DNAJB12: variants seen among roughly 807,000 people sequenced by gnomAD.
DNAJB12 encodes DnaJ heat shock protein family (Hsp40) member B12, also known as dnaJ homolog subfamily B member 12.
DNAJB12 carries 14 observed loss-of-function variants against 40.6 expected under a neutral mutation model. The ratio of observed to expected loss-of-function variants is 0.34; its 90% CI spans 0.23 to 0.54. The LOEUF (loss-of-function observed/expected upper bound fraction) is 0.54. Ranked by LOEUF, DNAJB12 falls within the 20% of genes least tolerant of loss-of-function variation. DNAJB12 has a pLI of 0.92. For missense variants in DNAJB12, 444 were observed against 501.7 expected (o/e 0.89, Z 1.10); for synonymous variants, 181 against 199.5 (o/e 0.91, Z 0.78).
intron 7 of DNAJB12, 44 bp downstream of exon 7, chr10:72,336,479 CA>C (rs756382083): frequency 6.3e-7 from 1 of 1,589,212 alleles, no homozygotes; most frequent in Non-Finnish European, 8.6e-7. Flanking sequence ...AGCTTCATCC[CA>C]AGCCACCTCC....
chr10:72,346,699 GATCTGCCC>G (rs1164023310), intron 1 of DNAJB12, among the ~76,000 whole-genome samples: 1 of 151,790 alleles, frequency 6.6e-6, no homozygotes, highest in Non-Finnish European at 1.5e-5. Flanking sequence ...GACCTCAAGT[GATCTGCCC>G]ACCTCGGGTT....
At chr10:72,353,430 A>C (rs1861983230) in intron 1 of DNAJB12, 1 of 152,280 alleles carries the variant, frequency 6.6e-6, no homozygotes, top group South Asian at 2.1e-4. Flanking sequence ...CGGAGGGAGG[A>C]AAGTTCAGCA....
At chr10:72,347,801 T>A (rs1445823896) in intron 1 of DNAJB12, among the ~76,000 whole-genome samples, 1 of 151,494 alleles carries the variant, frequency 6.6e-6, no homozygotes, top group Non-Finnish European at 1.5e-5. Flanking sequence ...TAATCCCAGC[T>A]ACTAGGGAGG....
chr10:72,348,115 C>G (rs1025662013), intron 1 of DNAJB12, among the ~76,000 whole-genome samples: 1 of 149,208 alleles, frequency 6.7e-6, no homozygotes, highest in African/African-American at 2.5e-5. Flanking sequence ...CCCAGCTACT[C>G]GGGAGGCTGA....
intron 3 of DNAJB12, among the ~76,000 whole-genome samples, chr10:72,342,982 T>C (rs1220588374): frequency 6.6e-6 from 1 of 152,156 alleles, no homozygotes; most frequent in East Asian, 1.9e-4. Context: ...GGGGCTACCC[T>C]GCCCCTCAGC....
chr10:72,345,018 C>T lies in DNAJB12; in HGVS notation c.243G>A (p.Ser81=), dbSNP rs767867325. ...TCTCTCCTCCAGCTTCACCGTTGGC[C>T]GAGGGGGCATCGGTCCCACCTGCTT... ...HRKAGGTDAP[S]ANGEAGGEST... is the part of the protein sequence containing the mutation. The change falls in exon 2 of 9, where the codon TCG becomes TCA. Residue 81 remains serine (S), a synonymous_variant. Transcript: ENST00000444643. The T allele has an allele frequency of 3.1e-6, 5 of 1,614,174 alleles. No homozygotes were observed. The highest frequency in any genetic ancestry group is 2.2e-5 in the East Asian group (1 of 44,880).
In DNAJB12 at chr10:72,335,678, C is replaced by T. The variant is rs1861450531; in HGVS notation, c.*30+102G>A. 1 of 1,475,844 alleles carries T rather than the reference C, an allele frequency of 6.8e-7. No homozygotes were observed. Among genetic ancestry groups the T allele is most frequent in the Non-Finnish European group, 9.0e-7 (1 of 1,113,740 alleles). The allele number at this position is 1,475,844 out of a possible 1,614,324, so 91.4% of individuals were successfully genotyped here. On this transcript the variant is annotated intron_variant, in intron 8 of 8. Coordinates refer to ENST00000444643, the MANE Select transcript of DNAJB12 (RefSeq NM_017626.7). The surrounding 1 kb of genome is among the most constrained non-coding windows in gnomAD (Gnocchi z 4.4). ...TCAGGCTGGGGACAGGAGTCTTTGC[C>T]ACAATCACCAGGCTTCCTCCCTTTC...
At position 72,335,868 on chromosome 10, in the gene DNAJB12, T is replaced by C; in HGVS notation, c.1070A>G (p.Lys357Arg). 1.2e-6 allele frequency: 2 copies of C among 1,614,214 alleles called. No individual in the cohort carries two copies. The highest frequency in any genetic ancestry group is 1.1e-5 in the South Asian group (1 of 91,090). The change falls in exon 8 of 9, where the codon AAG (lysine) becomes AGG (arginine). Residue 357 changes from lysine (K) to arginine (R), a missense_variant. Transcript: ENST00000444643. The surrounding 1 kb of genome is among the most constrained non-coding windows in gnomAD (Gnocchi z 4.4). ...GDTDMYHRAQ[K>R]MGTPSCSRLS... Reference sequence around the variant, plus strand: ...TCGGCTGCAGCTGGGGGTGCCCATCTTCTGTGCTCTGTGGTACATATCTGT... The same window carrying C: ...TCGGCTGCAGCTGGGGGTGCCCATCCTCTGTGCTCTGTGGTACATATCTGT...
rs1390280222 is a variant in DNAJB12, at chr10:72,334,087, A to G, written c.*561T>C. The G allele has an allele frequency of 6.5e-6, 1 of 153,338 alleles. No homozygotes were observed. Among genetic ancestry groups the G allele is most frequent in the Non-Finnish European group, 1.5e-5 (1 of 68,496 alleles). 9.5% of individuals were successfully genotyped at this position (153,338 alleles called of 1,614,324 possible). A position where few individuals can be genotyped will look rare whatever the true frequency, so the allele number is the denominator to read the frequency against. ...AAGAAATCAGCTCAACAACTTAACCAAATCCCTGCAGAGTTTAAAAAGTAG... is the reference window on the plus strand; with the variant it reads ...AAGAAATCAGCTCAACAACTTAACCGAATCCCTGCAGAGTTTAAAAAGTAG... On this transcript the variant is annotated 3_prime_UTR_variant, in exon 9 of 9. Coordinates refer to ENST00000444643, the MANE Select transcript of DNAJB12 (RefSeq NM_017626.7).
At chr10:72,336,774 G>C in intron 6 of DNAJB12, 78 bp from the exon 7 acceptor site, 5 of 1,305,996 alleles carry the variant, frequency 3.8e-6, no homozygotes, top group Non-Finnish European at 5.4e-6. Context: ...CCCCAAGACA[G>C]GAGGTGCCGC....
At chr10:72,345,785 G>A (rs1230291039) in intron 1 of DNAJB12, among the ~76,000 whole-genome samples, 5 of 150,176 alleles carry the variant, frequency 3.3e-5, no homozygotes, top group African/African-American at 1.2e-4. Flanking sequence ...CCAGCTACTC[G>A]AGAGACTTGA....
At chr10:72,350,237 GA>G (rs2132005417) in intron 1 of DNAJB12, among the ~76,000 whole-genome samples, 1 of 151,574 alleles carries the variant, frequency 6.6e-6, no homozygotes, top group East Asian at 1.9e-4. Flanking sequence ...CTGTCTCTAC[GA>G]AAATAAAAAA....
chr10:72,336,030 T>G (rs1372344176), intron 7 of DNAJB12, 99 bp from the exon 8 acceptor site: 4 of 1,492,222 alleles, frequency 2.7e-6, no homozygotes, highest in Non-Finnish European at 3.7e-6. Context: ...AGCTGGTACA[T>G]GCCCGGGGCT....
rs1310359161 is a variant in DNAJB12 at position 72,341,012 on chromosome 10, T to C, written c.616A>G (p.Met206Val). The change falls in exon 4 of 9, where the codon ATG (methionine) becomes GTG (valine). Residue 206 changes from methionine to valine, a missense_variant. By Grantham distance (21) the Met-to-Val change is conservative (BLOSUM62 1). Coordinates refer to ENST00000444643, the MANE Select transcript of DNAJB12 (RefSeq NM_017626.7). ...ADISPEDLFN[M>V]FFGGGFPSSN... ...GAAGGGAAGCCGCCGCCAAAGAACA[T>C]GTTGAAGAGGTCTTCAGGGGAGATG... The C allele has an allele frequency of 2.5e-6, 4 of 1,613,688 alleles. No homozygotes were observed. The highest frequency in any genetic ancestry group is 1.1e-5 in the South Asian group (1 of 91,060).
At chr10:72,344,853 T>C in intron 2 of DNAJB12, 97 bp downstream of exon 2, 1 of 1,438,858 alleles carries the variant, frequency 6.9e-7, no homozygotes, top group African/African-American at 1.4e-5. Context: ...CAGGGCCCTG[T>C]GCTGCCCACA....
In DNAJB12 at chr10:72,340,873, G is replaced by A. The variant is rs749088617; in HGVS notation, c.644-5C>T. The A allele has an allele frequency of 1.2e-6, 2 of 1,613,902 alleles. No individual in the cohort carries two copies. Among genetic ancestry groups the A allele is most frequent in the Admixed American group, 1.7e-5 (1 of 59,976 alleles). On this transcript the variant is annotated splice_region_variant and splice_polypyrimidine_tract_variant and intron_variant, in intron 4 of 8. Transcript: ENST00000444643. ...TGCTGTAGACGTGGACGTTACCTGG[G>A]GGTCAGAGGGGCTGAGTCAGGAGCC...
rs1033722469 is a variant in DNAJB12, at chr10:72,335,817, T to C, written c.1121A>G (p.His374Arg). The change falls in exon 8 of 9, where the codon CAT becomes CGT. Residue 374 changes from histidine to arginine, a missense_variant. Physicochemically the swap from His to Arg is conservative, Grantham distance 29. Transcript: ENST00000444643. The surrounding 1 kb of genome is among the most constrained non-coding windows in gnomAD (Gnocchi z 4.4). ...GGTGTGGCTGGCCCAGGACTATCCA[T>C]GCAGGGAGGCCTGCACCTCTGACAG... is the stretch of plus-strand genomic sequence containing the variant. ...SRLSEVQASL[H>R]G 15 of 1,614,058 alleles carry C rather than the reference T, an allele frequency of 9.3e-6. No individual in the cohort carries two copies. The highest frequency in any genetic ancestry group is 1.7e-5 in the Admixed American group (1 of 60,010).
rs139788055 is a variant in DNAJB12, at chr10:72,341,084, G to A, written c.544C>T (p.Arg182Trp). 4.2e-5 allele frequency: 67 copies of A among 1,614,064 alleles called. No individual in the cohort carries two copies. The Admixed American group carries it at 6.2e-4, about 15-fold the overall frequency. The change falls in exon 4 of 9, where the codon CGG (arginine) becomes TGG (tryptophan). Residue 182 changes from arginine to tryptophan, a missense_variant. Arg to Trp is a moderately radical substitution (Grantham distance 101, BLOSUM62 -3). Transcript: ENST00000444643. ...AAATCCCCATGCCCATGGCCGTGCC[G>A]GGCCGCCTGGCTCTTGTCATCGCCG... ...QFGDDKSQAA[R>W]HGHGHGDFHR...
intron 1 of DNAJB12, among the ~76,000 whole-genome samples, chr10:72,349,952 CAA>C (rs1182583817): frequency 5.9e-5 from 9 of 152,004 alleles, no homozygotes; most frequent in South Asian, 2.1e-4. Flanking sequence ...GGCAATGTCA[CAA>C]AAAGAGACAG....
Sources: allele counts gnomAD v4.1 joint callset (sites outside exome capture counted in the v4.1 genomes callset), GRCh38; gene constraint gnomAD v4.1.1; non-coding constraint Gnocchi (gnomAD v3.1); transcripts MANE v1.5; gene names NCBI Gene and HGNC (gene_info 2026-07-23, HGNC 2026-07-21).